Variants in AJAP1 observed in about 807,000 individuals in gnomAD.
The protein encoded by AJAP1 is adherens junctions associated protein 1, also known as adherens junction-associated protein 1.
AJAP1 carries 5 observed loss-of-function variants against 35.0 expected under a neutral mutation model. The ratio of observed to expected loss-of-function variants is 0.14; its 90% CI spans 0.07 to 0.30. AJAP1 has a LOEUF of 0.30. AJAP1 is among the 10% of genes least tolerant of loss of function. AJAP1 has a pLI of 1.00. For synonymous variants in AJAP1, 284 were observed against 249.3 expected (o/e 1.14, Z -1.31); for missense variants, 586 against 571.0 (o/e 1.03, Z -0.27).
chr1:4,771,382 AT>A (rs1263647970), intron 3 of AJAP1, among the ~76,000 whole-genome samples: 1 of 152,208 alleles, frequency 6.6e-6, no homozygotes, highest in African/African-American at 2.4e-5. Context: ...AGACGGGCGC[AT>A]CCCCCCTGCC....
At chr1:4,751,375 C>A (rs114386148) in intron 2 of AJAP1, among the ~76,000 whole-genome samples, 2,474 of 152,322 alleles carry the variant, frequency 0.016, 60 homozygotes, top group African/African-American at 0.056. Flanking sequence ...CTTCCTGACT[C>A]AGCAGGGCAT....
intron 2 of AJAP1, among the ~76,000 whole-genome samples, chr1:4,753,931 A>ATGTCTTT (rs1641373496): frequency 6.6e-6 from 1 of 152,122 alleles, no homozygotes; most frequent in African/African-American, 2.4e-5. Flanking sequence ...CTATGAGACT[A>ATGTCTTT]TGTCTTTTGT....
At chr1:4,712,858 G>C (rs923651982) in intron 2 of AJAP1, among the ~76,000 whole-genome samples, 159 bp downstream of exon 2, 3 of 152,178 alleles carry the variant, frequency 2.0e-5, no homozygotes, top group African/African-American at 7.2e-5. Context: ...CTGTAGACTG[G>C]CAAATACAGG....
At chr1:4,700,365 C>T (rs780085443) in intron 1 of AJAP1, among the ~76,000 whole-genome samples, 2 of 152,162 alleles carry the variant, frequency 1.3e-5, no homozygotes, top group Non-Finnish European at 2.9e-5. Context: ...GCCTCGCCCC[C>T]ACAGGCGCCC....
rs555461199 is a variant in AJAP1 at position 4,662,507 on chromosome 1, G to A, written c.29+7053G>A. On this transcript the variant is annotated intron_variant, in intron 1 of 5. Transcript: ENST00000378191. ...TGATGCACCGTTGGGTTGTTGGCAT[G>A]TTGGGGCTGGGGGAGCAGCGCTGCC... Among the ~76,000 whole-genome samples the A allele has an allele frequency of 2.2e-4, 34 of 152,350 alleles. 1 individual carries two copies. In the South Asian group the frequency reaches 5.6e-3, roughly 25 times the overall value.
At chr1:4,715,471 G>A (rs1001473515) in intron 2 of AJAP1, among the ~76,000 whole-genome samples, 3 of 152,224 alleles carry the variant, frequency 2.0e-5, no homozygotes, top group African/African-American at 7.2e-5. Context: ...ATCACCTGAG[G>A]TCAGGAGTTC....
intron 1 of AJAP1, among the ~76,000 whole-genome samples, chr1:4,680,588 C>A (rs1639460782): frequency 6.6e-6 from 1 of 152,190 alleles, no homozygotes. Context: ...GAATGAATGA[C>A]CATTACAAAG....
At chr1:4,753,054 A>T (rs1177108631) in intron 2 of AJAP1, among the ~76,000 whole-genome samples, 1 of 149,622 alleles carries the variant, frequency 6.7e-6, no homozygotes, top group Non-Finnish European at 1.5e-5. Flanking sequence ...TAAAGATGCC[A>T]ACCAGAGAGC....
chr1:4,729,553 A>T (rs558770999), intron 2 of AJAP1, among the ~76,000 whole-genome samples: 6 of 60,266 alleles, frequency 1.0e-4, no homozygotes, highest in African/African-American at 2.5e-4. Context: ...CCAGGGCAGC[A>T]GCAGGGCTGG....
intron 2 of AJAP1, among the ~76,000 whole-genome samples, chr1:4,738,027 G>T (rs976909831): frequency 3.9e-5 from 6 of 152,262 alleles, no homozygotes; most frequent in African/African-American, 1.4e-4. Flanking sequence ...GGTGTGCAAA[G>T]CACCTGCCTG....
chr1:4,676,826 G>A (rs1455283049), intron 1 of AJAP1, among the ~76,000 whole-genome samples: 1 of 152,228 alleles, frequency 6.6e-6, no homozygotes, highest in Admixed American at 6.5e-5. Flanking sequence ...AGAGTGGGAA[G>A]AACATGTGCA....
chr1:4,712,496 T>C lies in AJAP1; in HGVS notation c.626T>C (p.Leu209Pro). 1 of 1,612,696 alleles carries C rather than the reference T, an allele frequency of 6.2e-7. No individual in the cohort carries two copies. ...TACGGCCCCACCACGGTCTCCATCCTACAAACACGGAAGACAACTGTGGCC... is the reference window on the plus strand; with the variant it reads ...TACGGCCCCACCACGGTCTCCATCCCACAAACACGGAAGACAACTGTGGCC... The part of the protein sequence containing the change: ...GVYGPTTVSI[L>P]QTRKTTVAAT... Residue 209 changes from leucine to proline, a missense_variant, in exon 2 of 6, where the codon CTA becomes CCA. Physicochemically the swap from Leu to Pro is moderately conservative, Grantham distance 98. Transcript: ENST00000378191.
intron 2 of AJAP1, among the ~76,000 whole-genome samples, chr1:4,737,109 G>T (rs967837481): frequency 6.6e-6 from 1 of 152,206 alleles, no homozygotes; most frequent in African/African-American, 2.4e-5. Context: ...TTGCAGCATC[G>T]CGAGCAAAGT....
intron 2 of AJAP1, among the ~76,000 whole-genome samples, chr1:4,713,072 G>C (rs1640303085): frequency 6.6e-6 from 1 of 152,142 alleles, no homozygotes; most frequent in Non-Finnish European, 1.5e-5. Flanking sequence ...GCCGGCCCTT[G>C]AGCAAGATGC....
At chr1:4,673,357 A>C (rs1403611750) in intron 1 of AJAP1, among the ~76,000 whole-genome samples, 1 of 151,990 alleles carries the variant, frequency 6.6e-6, no homozygotes, top group African/African-American at 2.4e-5. Context: ...ACACTTTCTC[A>C]TTTCCTCTCT....
chr1:4,660,111 C>T (rs1638969831), intron 1 of AJAP1, among the ~76,000 whole-genome samples: 1 of 152,270 alleles, frequency 6.6e-6, no homozygotes, highest in African/African-American at 2.4e-5. Context: ...CACCACACCA[C>T]CAGAGCTGGA....
chr1:4,691,776 C>T (rs986765888), intron 1 of AJAP1, among the ~76,000 whole-genome samples: 3 of 152,090 alleles, frequency 2.0e-5, no homozygotes, highest in Non-Finnish European at 2.9e-5. Flanking sequence ...TCTTTGAGGT[C>T]GGTGGTGAAA....
At position 4,666,865 on chromosome 1, in the gene AJAP1, G is replaced by C. The variant is rs138591992; in HGVS notation, c.29+11411G>C. On this transcript the variant is annotated intron_variant, in intron 1 of 5. Transcript: ENST00000378191. ...GAGAGGAGCCTGTGAATCACAGGAG[G>C]GTGCAGAGAGGGGCCCATGAATCAC... Among the ~76,000 whole-genome samples, 176 of 150,320 alleles carry C rather than the reference G, an allele frequency of 1.2e-3. 2 individuals are homozygous for C. The highest frequency in any genetic ancestry group is 4.0e-3 in the African/African-American group (164 of 40,576).
chr1:4,772,390 G>A lies in AJAP1; in HGVS notation c.1028G>A (p.Ser343Asn). The change falls in exon 4 of 6, where the codon AGC becomes AAC. Residue 343 changes from serine (S) to asparagine (N), a missense_variant. Coordinates refer to ENST00000378191, the MANE Select transcript of AJAP1 (RefSeq NM_018836.4). Reference protein sequence around the residue: ...TDFPSARVPSSLDIFTAYNET... With the variant: ...TDFPSARVPSNLDIFTAYNET... ...TTCCCCTCGGCCCGGGTGCCCAGCA[G>A]CCTGGACATATTCACGGCCTATAAC... 3 of 1,614,232 alleles carry A rather than the reference G, an allele frequency of 1.9e-6. No individual in the cohort carries two copies. Among genetic ancestry groups the A allele is most frequent in the Non-Finnish European group, 2.5e-6 (3 of 1,180,052 alleles).
Sources: gnomAD v4.1 joint callset for allele counts (sites outside exome capture counted in the v4.1 genomes callset) on GRCh38, gnomAD v4.1.1 for gene constraint, MANE v1.5 for transcripts, NCBI Gene and HGNC (gene_info 2026-07-23, HGNC 2026-07-21) for gene names.